CHL1: variants seen among roughly 807,000 people sequenced by gnomAD.
CHL1 encodes neural cell adhesion molecule L1-like protein.
CHL1 carries 96 observed loss-of-function variants against 141.9 expected under a neutral mutation model. That is an observed-to-expected ratio of 0.68 (90% CI 0.57 to 0.80). The LOEUF (loss-of-function observed/expected upper bound fraction) is 0.80. Among genes scored for constraint, CHL1 ranks in the 30% least tolerant of loss-of-function variants. The pLI is 0.00. For missense variants in CHL1, 1,820 were observed against 1,457.2 expected (o/e 1.25, Z -4.05); for synonymous variants, 613 against 502.2 (o/e 1.22, Z -2.95).
At chr3:224,987 T>A (rs1245145498) in intron 1 of CHL1, among the ~76,000 whole-genome samples, 1 of 148,116 alleles carries the variant, frequency 6.8e-6, no homozygotes, top group Non-Finnish European at 1.5e-5. Flanking sequence ...AACAGAAAAA[T>A]TAGCCAGGTG....
At chr3:239,617 A>G (rs1430247002) in intron 1 of CHL1, among the ~76,000 whole-genome samples, 1 of 150,174 alleles carries the variant, frequency 6.7e-6, no homozygotes, top group Admixed American at 6.7e-5. Context: ...TTTTAAAATT[A>G]TTTTTTCATA....
chr3:213,270 A>G (rs920669384), intron 1 of CHL1: 8 of 152,268 alleles, frequency 5.3e-5, no homozygotes, highest in Non-Finnish European at 8.8e-5. Context: ...TGTCCTGCTC[A>G]GAACACATCT....
intron 2 of CHL1, chr3:246,754 TTA>T (rs1265806577): frequency 6.6e-6 from 1 of 152,174 alleles, no homozygotes; most frequent in Non-Finnish European, 1.5e-5. Context: ...GTTAGAAATC[TTA>T]TGAGATTGAG....
At chr3:336,810 C>T (rs1426940077) in intron 5 of CHL1, among the ~76,000 whole-genome samples, 2 of 152,152 alleles carry the variant, frequency 1.3e-5, no homozygotes, top group Non-Finnish European at 2.9e-5. Flanking sequence ...TCATTGACAG[C>T]ATCTGAAGTC....
chr3:310,662 T>G (rs538000599), intron 2 of CHL1, among the ~76,000 whole-genome samples: 1 of 152,352 alleles, frequency 6.6e-6, no homozygotes, highest in Non-Finnish European at 1.5e-5. Flanking sequence ...CGGTTCTGCA[T>G]ATGCACAGCC....
intron 2 of CHL1, among the ~76,000 whole-genome samples, chr3:312,549 G>A (rs1354273797): frequency 6.6e-6 from 1 of 152,174 alleles, no homozygotes; most frequent in African/African-American, 2.4e-5. Context: ...GAGTGATTCA[G>A]ATCACACTTC....
At chr3:403,533 C>T (rs966877838) in intron 27 of CHL1, among the ~76,000 whole-genome samples, 3 of 151,818 alleles carry the variant, frequency 2.0e-5, no homozygotes, top group Non-Finnish European at 2.9e-5. Flanking sequence ...GGCAACATAG[C>T]GAGACTCCAT....
At chr3:344,255 C>G (rs905925606) in intron 8 of CHL1, among the ~76,000 whole-genome samples, 2 of 152,090 alleles carry the variant, frequency 1.3e-5, no homozygotes. Flanking sequence ...AGTCATTGCA[C>G]ATGACATGAT....
intron 2 of CHL1, among the ~76,000 whole-genome samples, chr3:288,812 T>C (rs753959083): frequency 9.2e-5 from 14 of 152,244 alleles, no homozygotes; most frequent in South Asian, 2.1e-4. Context: ...TGAAGACAGC[T>C]TATCATTAAA....
At chr3:292,798 G>T (rs1416666310) in intron 2 of CHL1, among the ~76,000 whole-genome samples, 2 of 152,090 alleles carry the variant, frequency 1.3e-5, no homozygotes, top group Non-Finnish European at 2.9e-5. Context: ...AGTGGGGGAG[G>T]CGCCACACGC....
At position 293,657 on chromosome 3, in the gene CHL1, C is replaced by T. The variant is rs747943069; in HGVS notation, c.-94-26026C>T. Among the ~76,000 whole-genome samples the T allele has an allele frequency of 9.2e-5, 14 of 152,276 alleles. 1 individual carries two copies. In the South Asian group the frequency reaches 2.9e-3, roughly 32 times the overall value. ...CGTTCTAATGTTTGATAAGATACTA[C>T]CCAGTTTCCTGCAACTTTCACTTTT... On this transcript the variant is annotated intron_variant, in intron 2 of 27. Coordinates refer to ENST00000256509, the MANE Select transcript of CHL1 (RefSeq NM_006614.4).
intron 2 of CHL1, among the ~76,000 whole-genome samples, chr3:305,101 T>A (rs567791530): frequency 6.6e-6 from 1 of 152,206 alleles, no homozygotes; most frequent in Admixed American, 6.5e-5. Flanking sequence ...TCTAGAGTTA[T>A]AATTGATTTG....
chr3:338,587 G>C (rs559537019), intron 5 of CHL1, among the ~76,000 whole-genome samples: 1 of 152,256 alleles, frequency 6.6e-6, no homozygotes, highest in South Asian at 2.1e-4. Flanking sequence ...CAAAGGATAA[G>C]ACATAAAAAA....
Position 363,315 on chromosome 3 carries a change from G to T in CHL1, c.1517G>T (p.Gly506Val), listed in dbSNP as rs752086690. The change falls in exon 14 of 28, where the codon GGG becomes GTG. Residue 506 changes from glycine (G) to valine (V), a missense_variant. Gly to Val is a moderately radical substitution (Grantham distance 109). Transcript: ENST00000256509. Reference protein sequence around the residue: ...QINRTTEEDAGSYSCWVENAI... With the variant: ...QINRTTEEDAVSYSCWVENAI... ...AACAGAACCACCGAAGAAGATGCTG[G>T]GTCTTACTCATGTTGGGTAGAAAAT... 6.2e-7 allele frequency: 1 copy of T among 1,613,568 alleles called. No individual in the cohort carries two copies. Among genetic ancestry groups the T allele is most frequent in the South Asian group, 1.1e-5 (1 of 91,032 alleles).
intron 1 of CHL1, among the ~76,000 whole-genome samples, chr3:236,937 G>A (rs1286653074): frequency 6.6e-6 from 1 of 151,878 alleles, no homozygotes; most frequent in Non-Finnish European, 1.5e-5. Flanking sequence ...CTCATGTCGT[G>A]GATAAGGATT....
At chr3:361,609 G>C in intron 12 of CHL1, 90 bp from the exon 13 acceptor site, 2 of 798,992 alleles carry the variant, frequency 2.5e-6, no homozygotes, top group Non-Finnish European at 4.3e-6. Flanking sequence ...TTTTCTGTTT[G>C]TATTCGTATG....
intron 2 of CHL1, among the ~76,000 whole-genome samples, chr3:300,084 G>T (rs1378218057): frequency 6.6e-6 from 1 of 152,166 alleles, no homozygotes; most frequent in African/African-American, 2.4e-5. Context: ...AGAGAAAATT[G>T]TTTGAAACTT....
chr3:205,286 A>T (rs1489510103), intron 1 of CHL1, among the ~76,000 whole-genome samples: 1 of 151,512 alleles, frequency 6.6e-6, no homozygotes, highest in Non-Finnish European at 1.5e-5. Context: ...AATTTTTAAA[A>T]TCTTTTTTGT....
chr3:225,610 G>A (rs668897), intron 1 of CHL1, among the ~76,000 whole-genome samples: 127,080 of 151,788 alleles, frequency 0.84, 53,884 homozygotes, highest in East Asian at 1. Flanking sequence ...TTACACAGAC[G>A]TATACACACA....
Sources: allele counts gnomAD v4.1 joint callset (sites outside exome capture counted in the v4.1 genomes callset), GRCh38; gene constraint gnomAD v4.1.1; transcripts MANE v1.5; gene names NCBI Gene and HGNC (gene_info 2026-07-23, HGNC 2026-07-21).